PKHD1: variants seen among roughly 807,000 people sequenced by gnomAD.
PKHD1 encodes PKHD1 ciliary IPT domain containing fibrocystin/polyductin.
A neutral mutation model predicts 412.0 loss-of-function variants in PKHD1; 291 were observed. The ratio of observed to expected loss-of-function variants is 0.71; its 90% CI spans 0.64 to 0.78. PKHD1 has a LOEUF of 0.78. Ranked by LOEUF, PKHD1 falls within the 30% of genes least tolerant of loss-of-function variation. PKHD1 has a pLI of 0.00. For missense variants in PKHD1, 4,825 were observed against 4,950.7 expected, an observed-to-expected ratio of 0.97 and a Z score of 0.76; for synonymous variants, 1,777 against 1,821.5, an observed-to-expected ratio of 0.98 and a Z score of 0.62.
At chr6:52,008,667 C>T (rs1799397334) in intron 35 of PKHD1, among the ~76,000 whole-genome samples, 1 of 152,120 alleles carries the variant, frequency 6.6e-6, no homozygotes. Context: ...TGAACTAGCA[C>T]TGCCAATAAT....
At chr6:51,987,029 A>C (rs1440756510) in intron 35 of PKHD1, among the ~76,000 whole-genome samples, 2 of 152,230 alleles carry the variant, frequency 1.3e-5, no homozygotes, top group African/African-American at 4.8e-5. Flanking sequence ...AGACGTGTAG[A>C]AATGCTAGGT....
At chr6:51,976,203 C>T (rs1794420772) in intron 35 of PKHD1, among the ~76,000 whole-genome samples, 4 of 152,114 alleles carry the variant, frequency 2.6e-5, no homozygotes. Flanking sequence ...ATGTTCGTAG[C>T]AGCATTATTT....
intron 39 of PKHD1, 130 bp downstream of exon 39, chr6:51,911,669 A>G: frequency 1.3e-6 from 1 of 787,544 alleles, no homozygotes; most frequent in Non-Finnish European, 2.2e-6. Flanking sequence ...ACTACAGAAA[A>G]GTATGGGCAT....
At chr6:52,087,019 A>G (rs1424699935) in intron 1 of PKHD1, among the ~76,000 whole-genome samples, 1 of 152,234 alleles carries the variant, frequency 6.6e-6, no homozygotes, top group African/African-American at 2.4e-5. Context: ...CAAGCTCAGA[A>G]CAATAGAAAT....
intron 46 of PKHD1, among the ~76,000 whole-genome samples, chr6:51,874,153 C>T (rs1776454120): frequency 6.6e-6 from 1 of 152,204 alleles, no homozygotes; most frequent in African/African-American, 2.4e-5. Flanking sequence ...ACTCCATCAG[C>T]ATCTGTCTGA....
At chr6:51,682,647 C>T (rs1432608760) in intron 60 of PKHD1, among the ~76,000 whole-genome samples, 1 of 152,010 alleles carries the variant, frequency 6.6e-6, no homozygotes, top group Non-Finnish European at 1.5e-5. Context: ...GTTGAGTGAA[C>T]AGCTTGCCTC....
chr6:51,706,488 A>AC (rs5876232), intron 60 of PKHD1, among the ~76,000 whole-genome samples: 1 of 151,528 alleles, frequency 6.6e-6, no homozygotes, highest in Admixed American at 6.6e-5. Flanking sequence ...TGGTAAAAAA[A>AC]AAAAAAGGGT....
intron 60 of PKHD1, among the ~76,000 whole-genome samples, chr6:51,701,731 A>T (rs1263558484): frequency 6.6e-6 from 1 of 152,010 alleles, no homozygotes; most frequent in Non-Finnish European, 1.5e-5. Context: ...TAAATATTGC[A>T]TTGGAAAGAT....
intron 35 of PKHD1, among the ~76,000 whole-genome samples, chr6:52,003,620 T>G (rs1798708457): frequency 6.6e-6 from 1 of 152,192 alleles, no homozygotes; most frequent in Admixed American, 6.5e-5. Context: ...TTGATTAGTC[T>G]CAACACACAT....
intron 60 of PKHD1, among the ~76,000 whole-genome samples, chr6:51,704,931 G>A (rs1779839302): frequency 6.6e-6 from 1 of 152,002 alleles, no homozygotes; most frequent in Admixed American, 6.6e-5. Context: ...ACTAACATTG[G>A]AGGTATAGGT....
At position 52,056,941 on chromosome 6, in the gene PKHD1, A is replaced by C; in HGVS notation, c.1551T>G (p.Thr517=). 6.2e-7 allele frequency: 1 copy of C among 1,614,026 alleles called. No individual in the cohort carries two copies. The highest frequency in any genetic ancestry group is 8.5e-7 in the Non-Finnish European group (1 of 1,179,898). ...TTGGCTGACTAGAGACATTGTCCCA[A>C]GTAAGGAAGAAGTTTCCTCTGCCTG... ...NVSGRGNFFL[T]WDNVSSQPIP... The change falls in exon 17 of 67, where the codon ACT becomes ACG. Residue 517 remains threonine, a synonymous_variant. Coordinates refer to ENST00000371117, the MANE Select transcript of PKHD1 (RefSeq NM_138694.4).
chr6:51,997,681 G>C (rs1000089353), intron 35 of PKHD1, among the ~76,000 whole-genome samples: 1 of 152,204 alleles, frequency 6.6e-6, no homozygotes, highest in Admixed American at 6.5e-5. Context: ...ACATTACAAA[G>C]AAAGTGATTA....
chr6:51,825,164 A>G (rs768467274), intron 52 of PKHD1, among the ~76,000 whole-genome samples: 1 of 152,200 alleles, frequency 6.6e-6, no homozygotes, highest in African/African-American at 2.4e-5. Flanking sequence ...ACATACATGC[A>G]TATATGCTTA....
intron 60 of PKHD1, among the ~76,000 whole-genome samples, chr6:51,671,061 A>G (rs917758976): frequency 6.6e-6 from 1 of 151,968 alleles, no homozygotes; most frequent in African/African-American, 2.4e-5. Flanking sequence ...TCTTTGTGGC[A>G]TTCTCTGTAG....
chr6:51,739,803 C>T (rs552679150), intron 60 of PKHD1, among the ~76,000 whole-genome samples: 15 of 151,880 alleles, frequency 9.9e-5, no homozygotes, highest in African/African-American at 3.6e-4. Flanking sequence ...TTTGTCATGG[C>T]TGAGAAATTG....
intron 35 of PKHD1, among the ~76,000 whole-genome samples, chr6:51,977,955 G>A (rs1460606303): frequency 1.3e-5 from 2 of 152,128 alleles, no homozygotes; most frequent in Non-Finnish European, 2.9e-5. Flanking sequence ...GATTGGTGAG[G>A]GAGAAGCAAA....
intron 36 of PKHD1, among the ~76,000 whole-genome samples, chr6:51,942,392 C>A (rs1788732800): frequency 1.3e-5 from 2 of 151,716 alleles, no homozygotes; most frequent in Admixed American, 1.3e-4. Flanking sequence ...CTTTTAGAGG[C>A]CCTTAAAACC....
At chr6:51,954,241 A>G (rs1790788760) in intron 36 of PKHD1, among the ~76,000 whole-genome samples, 1 of 152,120 alleles carries the variant, frequency 6.6e-6, no homozygotes, top group African/African-American at 2.4e-5. Flanking sequence ...GAGACAGGCA[A>G]TACATTGTGA....
intron 65 of PKHD1, among the ~76,000 whole-genome samples, chr6:51,631,983 C>A (rs971611230): frequency 6.7e-6 from 1 of 149,480 alleles, no homozygotes. Flanking sequence ...TCCTGTCACC[C>A]AGGCTGGAGT....
Sources: allele counts gnomAD v4.1 joint callset (sites outside exome capture counted in the v4.1 genomes callset), GRCh38; gene constraint gnomAD v4.1.1; transcripts MANE v1.5; gene names NCBI Gene and HGNC (gene_info 2026-07-23, HGNC 2026-07-21).